NTM: variants seen among roughly 807,000 people sequenced by gnomAD.
The protein encoded by NTM is neurotrimin.
Under a neutral mutation model 42.1 loss-of-function variants are expected in NTM, and 13 were observed. That is an observed-to-expected ratio of 0.31 (90% CI 0.20 to 0.49). The LOEUF (loss-of-function observed/expected upper bound fraction) is 0.49, where lower values mean the gene tolerates loss of function less well. Among genes scored for constraint, NTM ranks in the 20% least tolerant of loss-of-function variants. NTM has a pLI of 0.99. For missense variants in NTM, 373 were observed against 452.8 expected (o/e 0.82, Z 1.60); for synonymous variants, 187 against 179.2 (o/e 1.04, Z -0.35).
At chr11:131,628,072 T>A (rs1362136603) in intron 1 of NTM, among the ~76,000 whole-genome samples, 1 of 152,180 alleles carries the variant, frequency 6.6e-6, no homozygotes, top group Non-Finnish European at 1.5e-5. Flanking sequence ...ATGTGGACTA[T>A]TCCAGGCTGT....
At chr11:131,422,219 T>G (rs1263613784) in intron 1 of NTM, among the ~76,000 whole-genome samples, 1 of 152,146 alleles carries the variant, frequency 6.6e-6, no homozygotes, top group South Asian at 2.1e-4. Context: ...CAGTCACATT[T>G]GAATGTTTCA....
intron 1 of NTM, among the ~76,000 whole-genome samples, chr11:131,474,864 G>A (rs1309700476): frequency 3.9e-5 from 6 of 152,060 alleles, no homozygotes; most frequent in Non-Finnish European, 7.4e-5. Context: ...AATGTGGAGC[G>A]GGCCATATTA....
chr11:131,614,544 C>A (rs892923541), intron 1 of NTM, among the ~76,000 whole-genome samples: 1 of 152,224 alleles, frequency 6.6e-6, no homozygotes, highest in Non-Finnish European at 1.5e-5. Flanking sequence ...AGAGAAAGCC[C>A]ATGGGGCAGG....
At chr11:131,975,992 C>A (rs1347690052) in intron 2 of NTM, among the ~76,000 whole-genome samples, 1 of 152,112 alleles carries the variant, frequency 6.6e-6, no homozygotes, top group Non-Finnish European at 1.5e-5. Flanking sequence ...TTAGGCCTAA[C>A]CTGCCCTCCC....
intron 2 of NTM, among the ~76,000 whole-genome samples, chr11:132,087,011 G>T (rs2136348018): frequency 6.6e-6 from 1 of 152,312 alleles, no homozygotes; most frequent in South Asian, 2.1e-4. Flanking sequence ...GCATTCAAAA[G>T]GAAAGCAGAC....
intron 1 of NTM, among the ~76,000 whole-genome samples, chr11:131,417,274 CTG>C (rs1161554506): frequency 6.6e-6 from 1 of 152,176 alleles, no homozygotes; most frequent in African/African-American, 2.4e-5. Flanking sequence ...CCTACCCAAA[CTG>C]TGGGCTCAGG....
chr11:132,262,133 A>C (rs1172975093), intron 4 of NTM, among the ~76,000 whole-genome samples: 1 of 152,148 alleles, frequency 6.6e-6, no homozygotes, highest in African/African-American at 2.4e-5. Context: ...CTGGTGCCTT[A>C]TTAGCCAGGG....
chr11:131,652,862 G>A (rs1410667400), intron 1 of NTM, among the ~76,000 whole-genome samples: 1 of 152,244 alleles, frequency 6.6e-6, no homozygotes, highest in African/African-American at 2.4e-5. Context: ...CCTGGCACAG[G>A]TGGCCATGGG....
chr11:131,660,271 C>G, intron 1 of NTM: 1 of 350,792 alleles, frequency 2.9e-6, no homozygotes, highest in Non-Finnish European at 5.7e-6. Context: ...CAGGGTGCTG[C>G]AATAATGAGG....
intron 1 of NTM, among the ~76,000 whole-genome samples, chr11:131,900,635 G>T (rs1022310670): frequency 5.3e-5 from 8 of 151,982 alleles, no homozygotes; most frequent in African/African-American, 1.9e-4. Context: ...ACAGGAAAAA[G>T]ACTGAGAGAG....
chr11:131,911,690 G>C (rs760760587), intron 2 of NTM, 42 bp downstream of exon 2: 1 of 1,613,070 alleles, frequency 6.2e-7, no homozygotes, highest in Non-Finnish European at 8.5e-7. Context: ...GGTTTGTATG[G>C]GGTCGGGGTA....
At chr11:131,570,820 T>G (rs916200586) in intron 1 of NTM, among the ~76,000 whole-genome samples, 2 of 152,196 alleles carry the variant, frequency 1.3e-5, no homozygotes, top group Non-Finnish European at 2.9e-5. Flanking sequence ...AGACTCCGTC[T>G]CAAAAGTAGA....
chr11:131,469,024 C>T (rs1031457615), intron 1 of NTM, among the ~76,000 whole-genome samples: 2 of 152,222 alleles, frequency 1.3e-5, no homozygotes, highest in Non-Finnish European at 2.9e-5. Flanking sequence ...TTACCCATGG[C>T]CTGTGGCTCT....
intron 2 of NTM, among the ~76,000 whole-genome samples, chr11:131,934,129 A>G (rs2058955391): frequency 6.6e-6 from 1 of 152,162 alleles, no homozygotes; most frequent in Non-Finnish European, 1.5e-5. Context: ...GGGGTATACA[A>G]TTACTGATTT....
At chr11:131,897,816 A>T (rs1592668194) in intron 1 of NTM, among the ~76,000 whole-genome samples, 1 of 152,182 alleles carries the variant, frequency 6.6e-6, no homozygotes, top group Non-Finnish European at 1.5e-5. Flanking sequence ...AAGGAAAGAG[A>T]TAATTATGAG....
chr11:131,784,701 C>T (rs2136040684), intron 1 of NTM, among the ~76,000 whole-genome samples: 1 of 152,290 alleles, frequency 6.6e-6, no homozygotes, highest in Admixed American at 6.5e-5. Context: ...CATATACACA[C>T]ATATGTGTAA....
At chr11:132,070,234 G>A (rs878930296) in intron 2 of NTM, among the ~76,000 whole-genome samples, 5 of 135,918 alleles carry the variant, frequency 3.7e-5, no homozygotes, top group Admixed American at 7.6e-5. Flanking sequence ...TAGTTAACAC[G>A]TCACACAGCC....
At chr11:132,193,583 C>G (rs1168417414) in intron 3 of NTM, among the ~76,000 whole-genome samples, 2 of 151,824 alleles carry the variant, frequency 1.3e-5, no homozygotes, top group Admixed American at 1.3e-4. Context: ...AATTAACAAC[C>G]AAATGTCATA....
In NTM at chr11:131,772,318, A is replaced by G. The variant is rs982966765; in HGVS notation, c.83-139246A>G. ...GTATACACCCTGTATAATCTCCCCA[A>G]CTTGAATGTGGGAGGCACCAACAAG... On this transcript the variant is annotated intron_variant, in intron 1 of 8. Transcript: ENST00000683400. Among the ~76,000 whole-genome samples, 8 of 152,258 alleles carry G rather than the reference A, an allele frequency of 5.3e-5. No homozygotes were observed. In the East Asian group the frequency reaches 1.5e-3, roughly 29 times the overall value.
Sources: allele counts gnomAD v4.1 joint callset (sites outside exome capture counted in the v4.1 genomes callset), GRCh38; gene constraint gnomAD v4.1.1; transcripts MANE v1.5; gene names NCBI Gene and HGNC (gene_info 2026-07-23, HGNC 2026-07-21).